DLG1: variants seen among roughly 807,000 people sequenced by gnomAD.
DLG1 encodes the protein discs large MAGUK scaffold protein 1.
A neutral mutation model predicts 123.4 loss-of-function variants in DLG1; 42 were observed. The ratio of observed to expected loss-of-function variants is 0.34; its 90% confidence interval spans 0.27 to 0.44. DLG1 has a LOEUF of 0.44. DLG1 is among the 20% of genes least tolerant of loss of function. The probability of loss-of-function intolerance (pLI) is 1.00; values close to 1 mark genes in which losing one functional copy is unlikely to be tolerated. For missense variants in DLG1, 942 were observed against 1,082.6 expected (o/e 0.87, Z 1.82); for synonymous variants, 317 against 356.2 (o/e 0.89, Z 1.24).
intron 4 of DLG1, among the ~76,000 whole-genome samples, chr3:197,214,481 G>A (rs566005200): frequency 2.6e-5 from 4 of 152,220 alleles, no homozygotes; most frequent in South Asian, 2.1e-4. Flanking sequence ...GCTGAGGCAG[G>A]AGAATGGCGT....
chr3:197,291,746 C>T (rs1775037057), intron 3 of DLG1, among the ~76,000 whole-genome samples: 1 of 152,180 alleles, frequency 6.6e-6, no homozygotes, highest in South Asian at 2.1e-4. Flanking sequence ...CAAGATTGGT[C>T]ATTTCTCAGT....
intron 13 of DLG1, among the ~76,000 whole-genome samples, chr3:197,114,456 G>T (rs1298372213): frequency 6.6e-6 from 1 of 152,136 alleles, no homozygotes; most frequent in East Asian, 1.9e-4. Flanking sequence ...ATACTGAGAG[G>T]TAACAGCTAT....
intron 12 of DLG1, among the ~76,000 whole-genome samples, chr3:197,118,832 T>C (rs191657991): frequency 2.6e-5 from 4 of 152,270 alleles, no homozygotes; most frequent in Admixed American, 6.5e-5. Context: ...CAAGGATATA[T>C]AGCAAACAAA....
intron 15 of DLG1, among the ~76,000 whole-genome samples, chr3:197,088,108 A>G (rs1755484849): frequency 6.6e-6 from 1 of 152,202 alleles, no homozygotes; most frequent in Admixed American, 6.5e-5. Flanking sequence ...AGAAAATTTA[A>G]GAGCCAATTT....
intron 17 of DLG1, among the ~76,000 whole-genome samples, chr3:197,077,469 C>T (rs1748041224): frequency 6.6e-6 from 1 of 151,996 alleles, no homozygotes; most frequent in African/African-American, 2.4e-5. Context: ...TCAGTACTGA[C>T]TTATTTATTC....
rs1170375826 is a variant in DLG1 at position 197,043,919 on chromosome 3, T to C, written c.*704A>G. On this transcript the variant is annotated 3_prime_UTR_variant, in exon 25 of 25. Coordinates refer to ENST00000667157, the MANE Select transcript of DLG1 (RefSeq NM_001366207.1). The stretch of plus-strand genomic sequence containing the variant: ...CAATTCACGAAATGTGATGATCATT[T>C]ACATATGAACAACTTTTGTAAGACA... 6.6e-6 allele frequency: 1 copy of C among 152,182 alleles called. No homozygotes were observed. Among genetic ancestry groups the C allele is most frequent in the Non-Finnish European group, 1.5e-5 (1 of 68,006 alleles). 9.4% of individuals were successfully genotyped at this position (152,182 alleles called of 1,614,324 possible). A position where few individuals can be genotyped will look rare whatever the true frequency, so the allele number is the denominator to read the frequency against.
At chr3:197,290,649 A>G (rs568177811) in intron 3 of DLG1, among the ~76,000 whole-genome samples, 1 of 152,268 alleles carries the variant, frequency 6.6e-6, no homozygotes, top group Admixed American at 6.5e-5. Flanking sequence ...GTTTTTCAAA[A>G]TCATCAATCT....
In DLG1 at chr3:197,240,265, C is replaced by G. The variant is rs138010314; in HGVS notation, c.318+42414G>C. ...GGTCCCCTGGGCAGGAACTCCTAGC[C>G]AGCATTCCCACACTACTGGGACATC... On this transcript the variant is annotated intron_variant, in intron 4 of 24. Transcript: ENST00000667157. 2.2e-3 allele frequency among the ~76,000 whole-genome samples: 342 copies of G among 152,276 alleles called. 2 individuals carry two copies. Among genetic ancestry groups the G allele is most frequent in the African/African-American group, 7.7e-3 (322 of 41,552 alleles).
Position 197,104,801 on chromosome 3 carries a change from AAAG to A in DLG1, c.1546+99_1546+101del, listed in dbSNP as rs1426556917. On this transcript the variant is annotated intron_variant, in intron 14 of 24. Coordinates refer to ENST00000667157, the MANE Select transcript of DLG1 (RefSeq NM_001366207.1). ...TAGCAAATCAGAAAAAAAGCACAAA[AAAG>A]GAAGTTTAGCTTGGAAGTTAAACAT... 9 of 817,750 alleles carry A rather than the reference AAAG, an allele frequency of 1.1e-5. No individual in the cohort carries two copies. The African/African-American group carries it at 1.4e-4, about 13-fold the overall frequency. The allele number at this position is 817,750 out of a possible 1,614,324, so 50.7% of individuals were successfully genotyped here.
chr3:197,294,385 G>A lies in DLG1; in HGVS notation c.151+1961C>T, dbSNP rs894392150. ...CTCTAGGCCAGACGCGGTGGCTCAC[G>A]CCTGTAATCCCAACATTTTGGGAGG... On this transcript the variant is annotated intron_variant, in intron 3 of 24. Coordinates refer to ENST00000667157, the MANE Select transcript of DLG1 (RefSeq NM_001366207.1). Among the ~76,000 whole-genome samples the A allele has an allele frequency of 5.5e-4, 65 of 118,976 alleles. 1 individual carries two copies. Among genetic ancestry groups the A allele is most frequent in the Non-Finnish European group, 1.0e-3 (55 of 53,002 alleles). The allele number at this position is 118,976 out of a possible 152,430, so 78.1% of individuals were successfully genotyped here.
chr3:197,124,438 G>A (rs1410062976), intron 11 of DLG1, among the ~76,000 whole-genome samples: 2 of 151,912 alleles, frequency 1.3e-5, no homozygotes, highest in Admixed American at 6.6e-5. Context: ...CCATGCCCGG[G>A]TAATTTTTTG....
At chr3:197,215,248 C>T (rs986888496) in intron 4 of DLG1, among the ~76,000 whole-genome samples, 1 of 152,068 alleles carries the variant, frequency 6.6e-6, no homozygotes, top group Non-Finnish European at 1.5e-5. Flanking sequence ...AGTTCAGAAA[C>T]AGACTCACAT....
At chr3:197,266,378 T>C (rs1761698569) in intron 4 of DLG1, among the ~76,000 whole-genome samples, 1 of 152,000 alleles carries the variant, frequency 6.6e-6, no homozygotes, top group South Asian at 2.1e-4. Context: ...AGTGTGTTAA[T>C]TAGACAAAAA....
intron 5 of DLG1, among the ~76,000 whole-genome samples, chr3:197,190,733 G>A (rs557175106): frequency 1.5e-4 from 23 of 152,284 alleles, no homozygotes; most frequent in African/African-American, 3.4e-4. Flanking sequence ...TTTGTCGGCC[G>A]GGCGCGGTGG....
At chr3:197,199,847 C>A (rs916162366) in intron 4 of DLG1, among the ~76,000 whole-genome samples, 8 of 152,122 alleles carry the variant, frequency 5.3e-5, no homozygotes, top group African/African-American at 1.7e-4. Context: ...ACTTACCTAA[C>A]ACTTATACTA....
chr3:197,140,353 A>G, intron 7 of DLG1, 89 bp from the exon 8 acceptor site: 2 of 1,301,152 alleles, frequency 1.5e-6, no homozygotes, highest in South Asian at 2.8e-5. Flanking sequence ...AACTGTACTA[A>G]CATAAGGAAC....
At chr3:197,154,326 C>A (rs1480245797) in intron 5 of DLG1, among the ~76,000 whole-genome samples, 1 of 150,990 alleles carries the variant, frequency 6.6e-6, no homozygotes, top group Non-Finnish European at 1.5e-5. Context: ...AACCAAAAAA[C>A]CAAAAAAACC....
At chr3:197,221,018 A>C (rs1736688740) in intron 4 of DLG1, among the ~76,000 whole-genome samples, 1 of 152,224 alleles carries the variant, frequency 6.6e-6, no homozygotes, top group South Asian at 2.1e-4. Context: ...TTCAATTTGA[A>C]ATCTTTTTGA....
At chr3:197,228,223 C>A (rs947415086) in intron 4 of DLG1, among the ~76,000 whole-genome samples, 3 of 152,192 alleles carry the variant, frequency 2.0e-5, no homozygotes, top group Admixed American at 2.0e-4. Context: ...AATTTTTGTG[C>A]ACATGGAGGA....
Sources: gnomAD v4.1 joint callset for allele counts (sites outside exome capture counted in the v4.1 genomes callset) on GRCh38, gnomAD v4.1.1 for gene constraint, MANE v1.5 for transcripts, NCBI Gene and HGNC (gene_info 2026-07-23, HGNC 2026-07-21) for gene names.